ATRNL1: variants seen among roughly 807,000 people sequenced by gnomAD.
ATRNL1 encodes the protein attractin-like protein 1.
Under a neutral mutation model 182.7 loss-of-function variants are expected in ATRNL1, and 95 were observed. The observed-to-expected ratio is 0.52, with a 90% CI of 0.44 to 0.62. The LOEUF (loss-of-function observed/expected upper bound fraction) is 0.62, where lower values mean the gene tolerates loss of function less well. Among genes scored for constraint, ATRNL1 ranks in the 20% least tolerant of loss-of-function variants. ATRNL1 has a pLI of 0.00. For missense variants in ATRNL1, 1,471 were observed against 1,679.5 expected (o/e 0.88, Z 2.17); for synonymous variants, 576 against 568.3 (o/e 1.01, Z -0.19).
At chr10:115,606,508 A>G (rs1385214423) in intron 26 of ATRNL1, among the ~76,000 whole-genome samples, 1 of 152,098 alleles carries the variant, frequency 6.6e-6, no homozygotes, top group South Asian at 2.1e-4. Flanking sequence ...GAGTTTTTGC[A>G]GTGCTTTTTG....
At chr10:115,870,665 G>T (rs562208342) in intron 28 of ATRNL1, among the ~76,000 whole-genome samples, 4 of 152,010 alleles carry the variant, frequency 2.6e-5, no homozygotes, top group African/African-American at 7.3e-5. Flanking sequence ...TGATAATATC[G>T]TGCATATCTT....
intron 26 of ATRNL1, among the ~76,000 whole-genome samples, chr10:115,671,597 T>G (rs1555041414): frequency 6.6e-6 from 1 of 152,098 alleles, no homozygotes; most frequent in African/African-American, 2.4e-5. Flanking sequence ...AGAGTTCCAC[T>G]GTTTCCCTAA....
chr10:115,661,411 G>A (rs1555037652), intron 26 of ATRNL1, among the ~76,000 whole-genome samples: 1 of 152,058 alleles, frequency 6.6e-6, no homozygotes, highest in Non-Finnish European at 1.5e-5. Context: ...TGATGCATGG[G>A]AGAAATGAGT....
intron 27 of ATRNL1, among the ~76,000 whole-genome samples, chr10:115,784,901 G>A (rs562323350): frequency 6.6e-6 from 1 of 152,232 alleles, no homozygotes; most frequent in South Asian, 2.1e-4. Flanking sequence ...ATTTTGGAGG[G>A]ACACTATTCA....
chr10:115,114,251 C>T (rs1844381595), intron 1 of ATRNL1, among the ~76,000 whole-genome samples: 1 of 152,016 alleles, frequency 6.6e-6, no homozygotes, highest in Non-Finnish European at 1.5e-5. Flanking sequence ...GAAGAATCAA[C>T]TCAAAATGGA....
At chr10:115,472,498 T>G (rs1554972340) in intron 24 of ATRNL1, among the ~76,000 whole-genome samples, 1 of 151,098 alleles carries the variant, frequency 6.6e-6, no homozygotes, top group Non-Finnish European at 1.5e-5. Flanking sequence ...TTCCATTTAT[T>G]ATTGATGTTT....
intron 25 of ATRNL1, among the ~76,000 whole-genome samples, chr10:115,545,130 G>A (rs1323977379): frequency 6.6e-6 from 1 of 150,972 alleles, no homozygotes; most frequent in East Asian, 2.0e-4. Context: ...CCAATTTAGG[G>A]AGGCTGAGGC....
intron 1 of ATRNL1, among the ~76,000 whole-genome samples, chr10:115,114,268 AT>A (rs1844382120): frequency 6.6e-6 from 1 of 152,206 alleles, no homozygotes; most frequent in South Asian, 2.1e-4. Context: ...TGGATTAAAG[AT>A]TTAAATGGAA....
At chr10:115,527,130 TCC>T (rs35207261) in intron 25 of ATRNL1, among the ~76,000 whole-genome samples, 3 of 118,238 alleles carry the variant, frequency 2.5e-5, no homozygotes, top group African/African-American at 1.1e-4. Context: ...TTTTTTTTTT[TCC>T]CCCCCGAGAT....
chr10:115,536,819 A>C (rs1852051475), intron 25 of ATRNL1, among the ~76,000 whole-genome samples: 1 of 152,258 alleles, frequency 6.6e-6, no homozygotes, highest in Non-Finnish European at 1.5e-5. Context: ...AGAAAAAAGA[A>C]GAAAATGTAA....
chr10:115,443,927 C>A (rs1846829707), intron 21 of ATRNL1, among the ~76,000 whole-genome samples: 1 of 151,932 alleles, frequency 6.6e-6, no homozygotes, highest in Non-Finnish European at 1.5e-5. Context: ...TGAGTGTATG[C>A]AACTAATAAA....
At chr10:115,913,464 G>A (rs1952747473) in intron 28 of ATRNL1, among the ~76,000 whole-genome samples, 1 of 152,216 alleles carries the variant, frequency 6.6e-6, no homozygotes. Flanking sequence ...CTTAACTACT[G>A]TAAAGCCACA....
chr10:115,318,950 C>A (rs1031865525), intron 18 of ATRNL1, among the ~76,000 whole-genome samples: 1 of 151,934 alleles, frequency 6.6e-6, no homozygotes, highest in Non-Finnish European at 1.5e-5. Flanking sequence ...GATTTGTTTG[C>A]TGTTGCTTCT....
chr10:115,673,698 C>G (rs77360118), intron 26 of ATRNL1, among the ~76,000 whole-genome samples: 2,390 of 152,184 alleles, frequency 0.016, 59 homozygotes, highest in East Asian at 0.14. Flanking sequence ...CACAATATCT[C>G]CTATCCCATA....
At chr10:115,241,901 A>T (rs1184774944) in intron 10 of ATRNL1, among the ~76,000 whole-genome samples, 176 bp downstream of exon 10, 1 of 152,074 alleles carries the variant, frequency 6.6e-6, no homozygotes, top group East Asian at 1.9e-4. Context: ...GAGCCAGGAG[A>T]ACAGAAGTAC....
intron 1 of ATRNL1, among the ~76,000 whole-genome samples, chr10:115,116,194 C>A (rs1342330600): frequency 6.6e-6 from 1 of 151,940 alleles, no homozygotes; most frequent in Non-Finnish European, 1.5e-5. Flanking sequence ...TTCATTTACA[C>A]AAACAGGCTA....
chr10:115,559,385 C>G (rs1478347160), intron 26 of ATRNL1, among the ~76,000 whole-genome samples: 3 of 151,532 alleles, frequency 2.0e-5, no homozygotes, highest in African/African-American at 7.3e-5. Flanking sequence ...GTGGTTCCTC[C>G]ATTCCTGACA....
At chr10:115,187,628 A>G (rs555448600) in intron 8 of ATRNL1, among the ~76,000 whole-genome samples, 1 of 150,310 alleles carries the variant, frequency 6.7e-6, no homozygotes, top group South Asian at 2.1e-4. Flanking sequence ...CTTAAAGTTG[A>G]TAATTGCAAT....
chr10:115,609,673 C>T lies in ATRNL1; in HGVS notation c.3795+60137C>T, dbSNP rs536438824. 5.1e-4 allele frequency among the ~76,000 whole-genome samples: 77 copies of T among 151,852 alleles called. 1 individual carries two copies. Among genetic ancestry groups the T allele is most frequent in the African/African-American group, 1.7e-3 (70 of 41,392 alleles). On this transcript the variant is annotated intron_variant, in intron 26 of 28. Transcript: ENST00000355044. ...CTATTCATTTTTTTTTAACACAGTA[C>T]CTGAAAATAGGGAAATGGGCAGTGT...
Sources: allele counts gnomAD v4.1 joint callset (sites outside exome capture counted in the v4.1 genomes callset), GRCh38; gene constraint gnomAD v4.1.1; transcripts MANE v1.5; gene names NCBI Gene and HGNC (gene_info 2026-07-23, HGNC 2026-07-21).